The following CHN2 variants were observed in gnomAD, a reference collection of about 807,000 sequenced individuals.
CHN2 encodes beta-chimaerin.
A neutral mutation model predicts 56.3 loss-of-function variants in CHN2; 35 were observed. The observed-to-expected ratio is 0.62, with a 90% CI of 0.47 to 0.82. CHN2 has a LOEUF of 0.82. Ranked by LOEUF, CHN2 falls within the 40% of genes least tolerant of loss-of-function variation. CHN2 has a pLI of 0.00. For missense variants in CHN2, 491 were observed against 580.5 expected (o/e 0.85, Z 1.58); for synonymous variants, 210 against 212.8 (o/e 0.99, Z 0.12).
At chr7:29,179,780 G>C (rs1168684746) in intron 2 of CHN2, among the ~76,000 whole-genome samples, 2 of 151,994 alleles carry the variant, frequency 1.3e-5, no homozygotes, top group East Asian at 3.8e-4. Context: ...TTTGTGGAGG[G>C]GCTATATAGC....
intron 3 of CHN2, among the ~76,000 whole-genome samples, chr7:29,382,585 G>A (rs1047004938): frequency 1.3e-5 from 2 of 152,284 alleles, no homozygotes; most frequent in Non-Finnish European, 2.9e-5. Flanking sequence ...TGTGAACACC[G>A]TGAGCAATAT....
chr7:29,217,291 A>C (rs1419121710), intron 1 of CHN2, among the ~76,000 whole-genome samples: 2 of 152,218 alleles, frequency 1.3e-5, no homozygotes, highest in African/African-American at 2.4e-5. Context: ...GCTTCAACAC[A>C]GTAATTATGT....
chr7:29,339,335 AT>A (rs1425437392), intron 1 of CHN2, among the ~76,000 whole-genome samples: 1 of 151,888 alleles, frequency 6.6e-6, no homozygotes, highest in Non-Finnish European at 1.5e-5. Context: ...GGCCACCCAG[AT>A]CTCCTCTGCA....
In CHN2 at chr7:29,400,803, A is replaced by T. The variant is rs201278138; in HGVS notation, c.551A>T (p.His184Leu). The T allele has an allele frequency of 6.2e-7, 1 of 1,613,986 alleles. No individual in the cohort carries two copies. Among genetic ancestry groups the T allele is most frequent in the Non-Finnish European group, 8.5e-7 (1 of 1,179,968 alleles). ...GAACCAAGAAAAACAAACGTCACAC[A>T]TGAAGAACACACAGCGGTGGAAAAG... is the stretch of plus-strand genomic sequence containing the variant. ...KNEPRKTNVT[H>L]EEHTAVEKIS... Residue 184 changes from histidine to leucine, a missense_variant, in exon 6 of 13, where the codon CAT becomes CTT. His to Leu is a moderately conservative substitution (Grantham distance 99). Transcript: ENST00000222792.
At chr7:29,307,246 C>G (rs1017842814) in intron 1 of CHN2, among the ~76,000 whole-genome samples, 1 of 152,134 alleles carries the variant, frequency 6.6e-6, no homozygotes, top group African/African-American at 2.4e-5. Context: ...AATAAAAAAG[C>G]TAATGGAATA....
intron 1 of CHN2, among the ~76,000 whole-genome samples, chr7:29,289,628 G>C (rs1231638044): frequency 1.3e-5 from 2 of 152,198 alleles, no homozygotes; most frequent in African/African-American, 4.8e-5. Context: ...ATCCTGCGGG[G>C]TGGAGGTAGA....
At chr7:29,178,371 C>G (rs1296101631) in intron 2 of CHN2, among the ~76,000 whole-genome samples, 1 of 152,160 alleles carries the variant, frequency 6.6e-6, no homozygotes, top group Non-Finnish European at 1.5e-5. Flanking sequence ...AGCCTCTGAC[C>G]TGGTCTTCCT....
rs371404865 is a variant in CHN2, at chr7:29,500,006, G to A, written c.879G>A (p.Val293=). 5.1e-6 allele frequency: 8 copies of A among 1,579,772 alleles called. No individual in the cohort carries two copies. The African/African-American group carries it at 1.1e-4, about 21-fold the overall frequency. Residue 293 remains valine (V), a synonymous_variant, in exon 9 of 13, where the codon GTG becomes GTA. Coordinates refer to ENST00000222792, the MANE Select transcript of CHN2 (RefSeq NM_004067.4). ...CTCACAACACTCAGAGACCCATGGT[G>A]GTAGACATATGCATTCGGGAAATTG... ...VKAHNTQRPM[V]VDICIREIEA... is the part of the protein sequence containing the mutation.
intron 1 of CHN2, among the ~76,000 whole-genome samples, chr7:29,299,785 A>C (rs1793500510): frequency 6.6e-6 from 1 of 152,210 alleles, no homozygotes; most frequent in South Asian, 2.1e-4. Context: ...AGCTAGAAAC[A>C]CAAATAACTG....
At chr7:29,477,862 G>A (rs964878733) in intron 6 of CHN2, among the ~76,000 whole-genome samples, 3 of 152,214 alleles carry the variant, frequency 2.0e-5, no homozygotes, top group Non-Finnish European at 4.4e-5. Flanking sequence ...CACAACCCTG[G>A]CTTCCTATAT....
intron 6 of CHN2, among the ~76,000 whole-genome samples, chr7:29,442,041 A>G (rs1783685727): frequency 6.6e-6 from 1 of 152,264 alleles, no homozygotes; most frequent in African/African-American, 2.4e-5. Context: ...ATGTCCATCA[A>G]CACATGCTTG....
chr7:29,250,814 G>A (rs1340944011), intron 1 of CHN2, among the ~76,000 whole-genome samples: 5 of 151,234 alleles, frequency 3.3e-5, no homozygotes, highest in Non-Finnish European at 5.9e-5. Context: ...GGGTTCAAGC[G>A]ATTCTCCTGC....
intron 10 of CHN2, among the ~76,000 whole-genome samples, chr7:29,506,200 A>T (rs2128588954): frequency 6.6e-6 from 1 of 152,270 alleles, no homozygotes; most frequent in East Asian, 1.9e-4. Flanking sequence ...CTAGGCCTAG[A>T]ATCCCAGCAC....
intron 1 of CHN2, among the ~76,000 whole-genome samples, chr7:29,348,571 T>G (rs528648991): frequency 2.6e-5 from 4 of 152,312 alleles, no homozygotes; most frequent in Admixed American, 2.6e-4. Context: ...TTTCACAGAA[T>G]TTTTAAAAGA....
rs1053947143 is a variant in CHN2 at position 29,266,345 on chromosome 7, G to A, written c.49+71355G>A. ...TAAGGAATGGGTGATCCAATAAGAC[G>A]TGAAACAGGAGATGGTATTACCTTC... On this transcript the variant is annotated intron_variant, in intron 1 of 12. Coordinates refer to ENST00000222792, the MANE Select transcript of CHN2 (RefSeq NM_004067.4). Among the ~76,000 whole-genome samples the A allele has an allele frequency of 6.6e-5, 10 of 152,280 alleles. No individual in the cohort carries two copies. The South Asian group carries it at 1.0e-3, about 16-fold the overall frequency.
At chr7:29,171,592 C>CA (rs926061838) in intron 2 of CHN2, among the ~76,000 whole-genome samples, 1 of 152,150 alleles carries the variant, frequency 6.6e-6, no homozygotes, top group African/African-American at 2.4e-5. Context: ...ACCGGAAAGA[C>CA]AAACTCTAAT....
chr7:29,179,770 T>A (rs1343703820), intron 2 of CHN2, among the ~76,000 whole-genome samples: 1 of 152,164 alleles, frequency 6.6e-6, no homozygotes, highest in African/African-American at 2.4e-5. Context: ...GAACTGGACA[T>A]TTGTGGAGGG....
At chr7:29,467,610 T>C (rs577779970) in intron 6 of CHN2, among the ~76,000 whole-genome samples, 1 of 152,190 alleles carries the variant, frequency 6.6e-6, no homozygotes, top group Non-Finnish European at 1.5e-5. Context: ...GAAAATGAAG[T>C]CCAGGGTTCT....
intron 6 of CHN2, among the ~76,000 whole-genome samples, chr7:29,434,450 C>T (rs888631228): frequency 1.3e-5 from 2 of 151,606 alleles, no homozygotes; most frequent in Admixed American, 6.6e-5. Context: ...CATGCTCTCT[C>T]TGAAGGCTCT....
Sources: allele counts gnomAD v4.1 joint callset (sites outside exome capture counted in the v4.1 genomes callset), GRCh38; gene constraint gnomAD v4.1.1; transcripts MANE v1.5; gene names NCBI Gene and HGNC (gene_info 2026-07-23, HGNC 2026-07-21).